Variants in IRAG1 observed in about 807,000 individuals in gnomAD.
IRAG1 encodes IP3R-associated cGMP kinase substrate.
Under a neutral mutation model 106.2 loss-of-function variants are expected in IRAG1, and 62 were observed. The observed-to-expected ratio is 0.58, with a 90% confidence interval of 0.48 to 0.72. The LOEUF (loss-of-function observed/expected upper bound fraction) is 0.72. Ranked by LOEUF, IRAG1 falls within the 30% of genes least tolerant of loss-of-function variation. The probability of loss-of-function intolerance (pLI) is 0.00; values close to 1 mark genes in which losing one functional copy is unlikely to be tolerated. For synonymous variants in IRAG1, 462 were observed against 443.9 expected, an observed-to-expected ratio of 1.04 and a Z score of -0.51; for missense variants, 1,064 against 1,140.7, an observed-to-expected ratio of 0.93 and a Z score of 0.97.
At chr11:10,674,548 C>T (rs1263663560) in intron 1 of IRAG1, among the ~76,000 whole-genome samples, 1 of 152,188 alleles carries the variant, frequency 6.6e-6, no homozygotes, top group Non-Finnish European at 1.5e-5. Flanking sequence ...TGACCTATTA[C>T]AGCCACACCA....
intron 18 of IRAG1, among the ~76,000 whole-genome samples, chr11:10,583,853 A>G (rs539724746): frequency 6.6e-6 from 1 of 152,148 alleles, no homozygotes; most frequent in Non-Finnish European, 1.5e-5. Flanking sequence ...GAGGGCTCCT[A>G]TGGGAATGTA....
chr11:10,585,839 G>A (rs1397493668), intron 18 of IRAG1, among the ~76,000 whole-genome samples: 3 of 152,138 alleles, frequency 2.0e-5, no homozygotes, highest in Non-Finnish European at 4.4e-5. Context: ...TATTGGTGCT[G>A]GGACTCTCAC....
chr11:10,649,292 G>T (rs1015766962), intron 2 of IRAG1, among the ~76,000 whole-genome samples: 6 of 152,198 alleles, frequency 3.9e-5, no homozygotes, highest in African/African-American at 1.2e-4. Context: ...TAAGGGAAGA[G>T]GGTAAAAGAA....
intron 18 of IRAG1, among the ~76,000 whole-genome samples, chr11:10,583,677 A>G (rs1255905939): frequency 6.6e-6 from 1 of 152,192 alleles, no homozygotes; most frequent in East Asian, 1.9e-4. Context: ...GAATGTAGGT[A>G]GAAATGATCC....
chr11:10,692,955 C>G (rs1257786232), intron 1 of IRAG1, among the ~76,000 whole-genome samples: 1 of 152,144 alleles, frequency 6.6e-6, no homozygotes, highest in African/African-American at 2.4e-5. Context: ...CTCTAGGGAG[C>G]AGGGAAGGGC....
At chr11:10,664,971 A>G (rs943753596) in intron 1 of IRAG1, among the ~76,000 whole-genome samples, 1 of 152,190 alleles carries the variant, frequency 6.6e-6, no homozygotes. Flanking sequence ...TTGAGAACCA[A>G]TGAATACCCC....
At chr11:10,690,815 A>G (rs1426830837) in intron 1 of IRAG1, among the ~76,000 whole-genome samples, 1 of 152,198 alleles carries the variant, frequency 6.6e-6, no homozygotes, top group Non-Finnish European at 1.5e-5. Context: ...AGATCCTGGC[A>G]CAAAGTAGAA....
At chr11:10,601,330 GC>G (rs149527947) in intron 14 of IRAG1, among the ~76,000 whole-genome samples, 1,933 of 152,306 alleles carry the variant, frequency 0.013, 41 homozygotes, top group African/African-American at 0.044. Context: ...GTCAGGGGAG[GC>G]TTCATGGAGA....
intron 1 of IRAG1, among the ~76,000 whole-genome samples, chr11:10,654,159 G>T (rs1015105214): frequency 5.3e-5 from 8 of 152,116 alleles, no homozygotes; most frequent in African/African-American, 1.9e-4. Flanking sequence ...CTGTCCTTCA[G>T]AAAGGGCTCG....
intron 2 of IRAG1, among the ~76,000 whole-genome samples, chr11:10,648,106 G>C (rs1858124835): frequency 6.6e-6 from 1 of 152,180 alleles, no homozygotes; most frequent in African/African-American, 2.4e-5. Flanking sequence ...GCTCACGCCT[G>C]TAATCCCAGC....
chr11:10,682,014 A>G (rs377662315), intron 1 of IRAG1, among the ~76,000 whole-genome samples: 16 of 152,332 alleles, frequency 1.1e-4, no homozygotes, highest in African/African-American at 3.8e-4. Context: ...ACCAAGGGCA[A>G]TATGGCCTTG....
At chr11:10,615,546 T>C (rs1465468422) in intron 10 of IRAG1, among the ~76,000 whole-genome samples, 4 of 152,160 alleles carry the variant, frequency 2.6e-5, no homozygotes, top group South Asian at 2.1e-4. Flanking sequence ...TGTCCATCAA[T>C]GATAGACTGG....
At chr11:10,589,519 A>G (rs1852402453) in intron 18 of IRAG1, among the ~76,000 whole-genome samples, 1 of 152,108 alleles carries the variant, frequency 6.6e-6, no homozygotes, top group East Asian at 1.9e-4. Context: ...CACCCGCCTC[A>G]GCCTCCCAAA....
rs114520470 is a variant in IRAG1, at chr11:10,652,450, C to T, written c.68-268G>A. The T allele has an allele frequency of 1.3e-4, 106 of 807,684 alleles. No homozygotes were observed. The East Asian group carries it at 1.6e-3, about 13-fold the overall frequency. The allele number at this position is 807,684 out of a possible 1,614,324, so 50.0% of individuals were successfully genotyped here. A position where few individuals can be genotyped will look rare whatever the true frequency, so the allele number is the denominator to read the frequency against. On this transcript the variant is annotated intron_variant, in intron 1 of 20. Transcript: ENST00000423302. ...TATCCCAGAAGGGAGAAATGTGCTT[C>T]GAACTCCTCAAAGCTGTAGCTAATG...
chr11:10,654,513 GTCAT>G (rs1298509162), intron 1 of IRAG1, among the ~76,000 whole-genome samples: 2 of 152,176 alleles, frequency 1.3e-5, no homozygotes, highest in African/African-American at 4.8e-5. Context: ...CATCCATAGA[GTCAT>G]TCATTCTTTC....
At chr11:10,610,508 ATCTT>A in intron 10 of IRAG1, among the ~76,000 whole-genome samples, 1 of 152,138 alleles carries the variant, frequency 6.6e-6, no homozygotes, top group Non-Finnish European at 1.5e-5. Context: ...TTTTCCATAA[ATCTT>A]TCTCCTGTTT....
At chr11:10,664,059 T>G (rs1370255532) in intron 1 of IRAG1, among the ~76,000 whole-genome samples, 1 of 152,174 alleles carries the variant, frequency 6.6e-6, no homozygotes, top group East Asian at 1.9e-4. Flanking sequence ...TATTAGGAGA[T>G]GTTTTTTGAT....
At chr11:10,692,538 A>C (rs1440914606) in intron 1 of IRAG1, among the ~76,000 whole-genome samples, 1 of 152,012 alleles carries the variant, frequency 6.6e-6, no homozygotes. Context: ...GGGGCAATAC[A>C]ATCCTTGGCA....
Position 10,628,856 on chromosome 11 carries a change from C to T in IRAG1, c.575-28G>A. On this transcript the variant is annotated intron_variant, in intron 5 of 20. Transcript: ENST00000423302. This position sits in a 1 kb window ranked among gnomAD's most constrained non-coding sequence, Gnocchi z 4.1. Reference sequence around the variant, plus strand: ...GTGAAGACAGACACAAATTGGCTGGCATTCATGAAGGTTTAGGACTTCAAC... The same window carrying T: ...GTGAAGACAGACACAAATTGGCTGGTATTCATGAAGGTTTAGGACTTCAAC... The T allele has an allele frequency of 6.4e-7, 1 of 1,559,160 alleles. No individual in the cohort carries two copies. Among genetic ancestry groups the T allele is most frequent in the Non-Finnish European group, 8.7e-7 (1 of 1,152,398 alleles).
Sources: gnomAD v4.1 joint callset for allele counts (sites outside exome capture counted in the v4.1 genomes callset) on GRCh38, gnomAD v4.1.1 for gene constraint, Gnocchi (gnomAD v3.1) non-coding constraint, MANE v1.5 for transcripts, NCBI Gene and HGNC (gene_info 2026-07-23, HGNC 2026-07-21) for gene names.